The following HDAC9 variants were observed in gnomAD, a reference collection of about 807,000 sequenced individuals.
HDAC9 encodes the protein MEF-2 interacting transcription repressor (MITR) protein.
HDAC9 carries 41 observed loss-of-function variants against 139.4 expected under a neutral mutation model. The ratio of observed to expected loss-of-function variants is 0.29; its 90% confidence interval spans 0.23 to 0.38. The LOEUF is 0.38. Ranked by LOEUF, HDAC9 falls within the 10% of genes least tolerant of loss-of-function variation. HDAC9 has a pLI of 1.00. For synonymous variants in HDAC9, 517 were observed against 476.2 expected (o/e 1.09, Z -1.12); for missense variants, 1,147 against 1,297.0 (o/e 0.88, Z 1.78).
chr7:18,590,315 A>G, intron 3 of HDAC9, 21 bp from the exon 4 acceptor site: 1 of 1,611,336 alleles, frequency 6.2e-7, no homozygotes, highest in Non-Finnish European at 8.5e-7. Context: ...GCACACTCTC[A>G]TGTCTTTCTC....
At chr7:18,283,564 CT>C (rs1271558282) in intron 2 of HDAC9, among the ~76,000 whole-genome samples, 1 of 152,130 alleles carries the variant, frequency 6.6e-6, no homozygotes, top group Non-Finnish European at 1.5e-5. Flanking sequence ...GATTATCATT[CT>C]TTTTTGCATA....
intron 8 of HDAC9, among the ~76,000 whole-genome samples, chr7:18,638,390 G>A (rs1784543932): frequency 6.6e-6 from 1 of 152,036 alleles, no homozygotes; most frequent in African/African-American, 2.4e-5. Flanking sequence ...GAAGTAGGAG[G>A]AGAATTTACT....
rs141345563 is a variant in HDAC9, at chr7:18,331,154, G to A, written c.-42+40639G>A. 7.6e-4 allele frequency among the ~76,000 whole-genome samples: 115 copies of A among 151,810 alleles called. 1 individual carries two copies. The highest frequency in any genetic ancestry group is 3.4e-3 in the Middle Eastern group (1 of 294). ...CTAACTTGAAGTGATCACATGTGCA[G>A]AGCCTCTTAGCTTTTGTTTTAATTG... On this transcript the variant is annotated intron_variant, in intron 1 of 3. Coordinates refer to the HDAC9 transcript ENST00000413509.
At chr7:18,337,636 G>A (rs1208673541) in intron 1 of HDAC9, among the ~76,000 whole-genome samples, 1 of 151,652 alleles carries the variant, frequency 6.6e-6, no homozygotes, top group East Asian at 1.9e-4. Flanking sequence ...CGTAAGACTT[G>A]CAGCGTGTGT....
intron 13 of HDAC9, among the ~76,000 whole-genome samples, chr7:18,747,009 G>A (rs1788031306): frequency 6.6e-6 from 1 of 152,072 alleles, no homozygotes; most frequent in Non-Finnish European, 1.5e-5. Flanking sequence ...AGCCAAATGA[G>A]GACTGGAGTT....
At chr7:18,683,704 T>C (rs747410398) in intron 12 of HDAC9, among the ~76,000 whole-genome samples, 3 of 152,096 alleles carry the variant, frequency 2.0e-5, no homozygotes, top group Non-Finnish European at 4.4e-5. Flanking sequence ...TTGTATTTTT[T>C]CACTCAAAAT....
chr7:18,450,978 G>A (rs886778368), intron 1 of HDAC9, among the ~76,000 whole-genome samples: 6 of 152,196 alleles, frequency 3.9e-5, no homozygotes, highest in Non-Finnish European at 8.8e-5. Context: ...TATAGGTTAT[G>A]TATACATATA....
chr7:18,756,234 G>A lies in HDAC9; in HGVS notation c.2044-5923G>A, dbSNP rs183409077. Among the ~76,000 whole-genome samples, 56 of 152,224 alleles carry A rather than the reference G, an allele frequency of 3.7e-4. 1 individual carries two copies. The highest frequency in any genetic ancestry group is 1.3e-3 in the African/African-American group (55 of 41,564). On this transcript the variant is annotated intron_variant, in intron 14 of 25. Coordinates refer to ENST00000686413, the MANE Select transcript of HDAC9 (RefSeq NM_178425.4). ...AATCTTAACGAGATAGAGACAAATA[G>A]GCAAGTGAATCAAATATTTGGAGAT... is the stretch of plus-strand genomic sequence containing the variant.
chr7:18,749,247 C>T lies in HDAC9; in HGVS notation c.2043+109C>T, dbSNP rs926187787. On this transcript the variant is annotated intron_variant, in intron 14 of 25. Coordinates refer to ENST00000686413, the MANE Select transcript of HDAC9 (RefSeq NM_178425.4). ...AATATTAACCATATAGTGCAAACAC[C>T]ATGATTGATGAACCATCATAGATTC... 1.2e-5 allele frequency: 14 copies of T among 1,123,476 alleles called. No homozygotes were observed. In the South Asian group the frequency reaches 2.1e-4, roughly 17 times the overall value. 69.6% of individuals were successfully genotyped at this position (1,123,476 alleles called of 1,614,324 possible). A position where few individuals can be genotyped will look rare whatever the true frequency, so the allele number is the denominator to read the frequency against.
At chr7:18,228,160 C>G (rs1793197238) in intron 2 of HDAC9, among the ~76,000 whole-genome samples, 1 of 152,088 alleles carries the variant, frequency 6.6e-6, no homozygotes, top group African/African-American at 2.4e-5. Context: ...GTTTAACACA[C>G]CTTTAGTCAC....
chr7:18,861,200 A>G (rs189625241), intron 21 of HDAC9, among the ~76,000 whole-genome samples: 1 of 152,232 alleles, frequency 6.6e-6, no homozygotes, highest in Admixed American at 6.5e-5. Flanking sequence ...GAAGGGACAT[A>G]TATAATTACA....
intron 2 of HDAC9, among the ~76,000 whole-genome samples, chr7:18,513,676 ACTGTCTGTGTGGAGATAGGTAAT>A (rs1802282362): frequency 6.6e-6 from 1 of 152,166 alleles, no homozygotes. Flanking sequence ...CAAATCTGCC[ACTGTCTGTGTGGAGATAGGTAAT>A]CTAGCTGTCT....
intron 1 of HDAC9, among the ~76,000 whole-genome samples, chr7:18,301,202 A>T (rs544159895): frequency 6.6e-6 from 1 of 152,186 alleles, no homozygotes; most frequent in Admixed American, 6.5e-5. Flanking sequence ...AAATTGCTCA[A>T]TTGAAACTTC....
At chr7:18,392,456 G>A (rs1382496962) in intron 1 of HDAC9, among the ~76,000 whole-genome samples, 3 of 151,870 alleles carry the variant, frequency 2.0e-5, no homozygotes, top group African/African-American at 7.3e-5. Flanking sequence ...TATTCTTAAT[G>A]GGTGATGCTA....
At position 18,739,716 on chromosome 7, in the gene HDAC9, G is replaced by A. The variant is rs528688019; in HGVS notation, c.1910-9289G>A. ...GAGATGTCTCCCAGTTTGGCTACAT[G>A]GGTGTCAGGGACCCACTCGAGGAGG... is the stretch of plus-strand genomic sequence containing the variant. On this transcript the variant is annotated intron_variant, in intron 13 of 25. Transcript: ENST00000686413. Among the ~76,000 whole-genome samples the A allele has an allele frequency of 7.2e-5, 11 of 152,320 alleles. No homozygotes were observed. The East Asian group carries it at 1.9e-3, about 27-fold the overall frequency.
intron 17 of HDAC9, among the ~76,000 whole-genome samples, chr7:18,796,941 C>G (rs80256746): frequency 0.022 from 3,270 of 151,778 alleles, 119 homozygotes; most frequent in African/African-American, 0.074. Flanking sequence ...TCAAAACAAA[C>G]AAAAACAAAA....
intron 2 of HDAC9, among the ~76,000 whole-genome samples, chr7:18,583,631 A>G (rs1296949521): frequency 1.3e-5 from 2 of 152,048 alleles, no homozygotes; most frequent in African/African-American, 2.4e-5. Flanking sequence ...ATATGCACCT[A>G]AAGTCCCAGA....
At chr7:18,311,996 G>A (rs527340617) in intron 1 of HDAC9, among the ~76,000 whole-genome samples, 2 of 152,282 alleles carry the variant, frequency 1.3e-5, no homozygotes, top group South Asian at 4.1e-4. Context: ...CTAAAGAACA[G>A]TAGGTGGAAA....
chr7:18,328,958 T>C (rs895503631), intron 1 of HDAC9, among the ~76,000 whole-genome samples: 1 of 151,858 alleles, frequency 6.6e-6, no homozygotes, highest in African/African-American at 2.4e-5. Flanking sequence ...TGATAGGAAA[T>C]ATTTTATTAC....
Sources: allele counts gnomAD v4.1 joint callset (sites outside exome capture counted in the v4.1 genomes callset), GRCh38; gene constraint gnomAD v4.1.1; transcripts MANE v1.5; gene names NCBI Gene and HGNC (gene_info 2026-07-23, HGNC 2026-07-21).